ERG: variants seen among roughly 807,000 people sequenced by gnomAD.
The protein encoded by ERG is transcriptional regulator ERG.
A neutral mutation model predicts 55.3 loss-of-function variants in ERG; 9 were observed. The observed-to-expected ratio is 0.16, with a 90% CI of 0.10 to 0.28. The LOEUF (loss-of-function observed/expected upper bound fraction) is 0.28. Among genes scored for constraint, ERG ranks in the 10% least tolerant of loss-of-function variants. ERG has a pLI of 1.00. For missense variants in ERG, 434 were observed against 631.6 expected, an observed-to-expected ratio of 0.69 and a Z score of 3.35; for synonymous variants, 223 against 237.3, an observed-to-expected ratio of 0.94 and a Z score of 0.55.
intron 1 of ERG, among the ~76,000 whole-genome samples, chr21:38,464,481 A>G (rs1331528825): frequency 6.6e-6 from 1 of 152,196 alleles, no homozygotes; most frequent in African/African-American, 2.4e-5. Context: ...CATTTATTTT[A>G]TTGTCTAAAT....
chr21:38,443,474 CA>C lies in ERG; in HGVS notation c.236+1929del, dbSNP rs568986810. Among the ~76,000 whole-genome samples, 156 of 152,314 alleles carry C rather than the reference CA, an allele frequency of 1.0e-3. 1 individual carries two copies. Among genetic ancestry groups the C allele is most frequent in the Non-Finnish European group, 1.9e-3 (127 of 68,028 alleles). ...GTGATCACGCTGGCATATATGGGAT[CA>C]TATGACCCCACCCAAAACAGAATTC... On this transcript the variant is annotated intron_variant, in intron 2 of 9. Coordinates refer to ENST00000288319, the MANE Select transcript of ERG (RefSeq NM_182918.4).
At chr21:38,475,582 G>A (rs1243101015) in intron 1 of ERG, among the ~76,000 whole-genome samples, 1 of 152,192 alleles carries the variant, frequency 6.6e-6, no homozygotes, top group Non-Finnish European at 1.5e-5. Context: ...CTCCTCCGAG[G>A]CATTTGCAAA....
intron 1 of ERG, among the ~76,000 whole-genome samples, chr21:38,454,879 C>A (rs928244150): frequency 2.0e-5 from 3 of 152,314 alleles, no homozygotes; most frequent in Admixed American, 2.0e-4. Context: ...AAGAGCACGT[C>A]TGTCACTTTG....
intron 1 of ERG, among the ~76,000 whole-genome samples, chr21:38,656,006 C>G (rs1252824908): frequency 6.6e-6 from 1 of 152,064 alleles, no homozygotes; most frequent in Non-Finnish European, 1.5e-5. Context: ...TCTCTCCCTC[C>G]CCTACTCTTC....
chr21:38,549,824 T>G (rs1434537022), intron 2 of ERG, among the ~76,000 whole-genome samples: 1 of 151,608 alleles, frequency 6.6e-6, no homozygotes, highest in Non-Finnish European at 1.5e-5. Context: ...CCTGGGGCGG[T>G]GAGAGTGAGG....
intron 1 of ERG, among the ~76,000 whole-genome samples, chr21:38,462,911 A>G (rs1823844845): frequency 6.6e-6 from 1 of 152,180 alleles, no homozygotes; most frequent in Admixed American, 6.5e-5. Flanking sequence ...GCGGACCAGG[A>G]AATGAGCAGC....
In ERG at chr21:38,566,284, C is replaced by T. The variant is rs1203816802; in HGVS notation, c.-41+9378G>A. 1.2e-3 allele frequency among the ~76,000 whole-genome samples: 175 copies of T among 152,060 alleles called. 1 individual carries two copies. Among genetic ancestry groups the T allele is most frequent in the Non-Finnish European group, 2.8e-4 (19 of 68,012 alleles). ...CATTAGTAAGAAAGAGTTGGGTGTCCCCATGGGAAAATGCTAATTTAGTGT... is the reference window on the plus strand; with the variant it reads ...CATTAGTAAGAAAGAGTTGGGTGTCTCCATGGGAAAATGCTAATTTAGTGT... On this transcript the variant is annotated intron_variant, in intron 2 of 8. Transcript: ENST00000398897.
At chr21:38,433,990 C>T (rs1162777801) in intron 2 of ERG, among the ~76,000 whole-genome samples, 1 of 152,066 alleles carries the variant, frequency 6.6e-6, no homozygotes, top group Admixed American at 6.6e-5. Context: ...GAAATGTCCC[C>T]GAACTCTTCC....
intron 1 of ERG, among the ~76,000 whole-genome samples, chr21:38,625,915 C>CTTTTTTTT (rs397797559): frequency 3.6e-5 from 3 of 84,430 alleles, no homozygotes; most frequent in African/African-American, 5.0e-5. Context: ...ACTTGAAGCT[C>CTTTTTTTT]TTTTTTTTTT....
At chr21:38,434,397 G>A (rs1024081267) in intron 2 of ERG, among the ~76,000 whole-genome samples, 2 of 152,096 alleles carry the variant, frequency 1.3e-5, no homozygotes, top group African/African-American at 2.4e-5. Context: ...CTATTCACCT[G>A]TTCACCACCT....
At chr21:38,528,828 G>A (rs2059651150) in intron 2 of ERG, among the ~76,000 whole-genome samples, 1 of 152,042 alleles carries the variant, frequency 6.6e-6, no homozygotes, top group South Asian at 2.1e-4. Context: ...GCAAGATTTA[G>A]CCAGTTTTTT....
intron 2 of ERG, among the ~76,000 whole-genome samples, chr21:38,431,229 G>A (rs747499848): frequency 1.3e-5 from 2 of 152,190 alleles, no homozygotes; most frequent in African/African-American, 2.4e-5. Context: ...GCTAAGCCCA[G>A]TTGGGTTCTC....
chr21:38,578,673 A>G (rs1176201615), intron 1 of ERG, among the ~76,000 whole-genome samples: 1 of 152,070 alleles, frequency 6.6e-6, no homozygotes, highest in Non-Finnish European at 1.5e-5. Context: ...CACCAAGACT[A>G]CGTTTGATCA....
At chr21:38,440,796 A>C (rs1341385002) in intron 2 of ERG, among the ~76,000 whole-genome samples, 3 of 70,438 alleles carry the variant, frequency 4.3e-5, no homozygotes, top group East Asian at 3.5e-4. Context: ...TCAAAAAAAA[A>C]AAAAAAAAAA....
In ERG at chr21:38,498,402, C is replaced by A; in HGVS notation, c.-22G>T. 1 of 1,599,474 alleles carries A rather than the reference C, an allele frequency of 6.3e-7. No homozygotes were observed. The highest frequency in any genetic ancestry group is 1.1e-5 in the South Asian group (1 of 88,514). On this transcript the variant is annotated 5_prime_UTR_variant, in exon 1 of 10. Transcript: ENST00000288319. This position sits in a 1 kb window ranked among gnomAD's most constrained non-coding sequence, Gnocchi z 4.6. ...CCATAATGCGATCAAGTTTATTGAT[C>A]GTTAATAAATGTTAATAATAATTAT...
chr21:38,429,742 TATATAC>T (rs1199449725), intron 2 of ERG, among the ~76,000 whole-genome samples: 2 of 105,894 alleles, frequency 1.9e-5, no homozygotes, highest in Non-Finnish European at 2.0e-5. Flanking sequence ...TGTGTATATA[TATATAC>T]ACACACACAC....
chr21:38,541,755 T>C (rs1297593184), intron 2 of ERG, among the ~76,000 whole-genome samples: 1 of 152,198 alleles, frequency 6.6e-6, no homozygotes, highest in African/African-American at 2.4e-5. Flanking sequence ...ATTATTCTTC[T>C]TAAAAACAGA....
chr21:38,656,018 C>CTG, intron 1 of ERG, among the ~76,000 whole-genome samples: 1 of 152,216 alleles, frequency 6.6e-6, no homozygotes, highest in Middle Eastern at 3.4e-3. Flanking sequence ...CTACTCTTCA[C>CTG]CGCGCCCCCC....
chr21:38,632,806 G>A (rs2060365128), intron 1 of ERG, among the ~76,000 whole-genome samples: 1 of 152,168 alleles, frequency 6.6e-6, no homozygotes, highest in Non-Finnish European at 1.5e-5. Context: ...TTGTAAAATG[G>A]TGTAGCCCCT....
Sources: allele counts gnomAD v4.1 joint callset (sites outside exome capture counted in the v4.1 genomes callset), GRCh38; gene constraint gnomAD v4.1.1; non-coding constraint Gnocchi (gnomAD v3.1); transcripts MANE v1.5; gene names NCBI Gene and HGNC (gene_info 2026-07-23, HGNC 2026-07-21).